Variants in ZNF277 observed in about 807,000 individuals in gnomAD.
ZNF277 encodes nuclear receptor-interacting factor 4.
In ZNF277, 55 loss-of-function variants were observed where a neutral mutation model predicts 60.7. The observed-to-expected ratio is 0.91, with a 90% CI of 0.73 to 1.13. The LOEUF (loss-of-function observed/expected upper bound fraction) is 1.13. ZNF277 is among the 50% of genes most tolerant of loss of function. The pLI is 0.00. For synonymous variants in ZNF277, 178 were observed against 179.3 expected, an observed-to-expected ratio of 0.99 and a Z score of 0.06; for missense variants, 510 against 523.0, an observed-to-expected ratio of 0.98 and a Z score of 0.24.
At chr7:112,341,434 T>C (rs548232720) in intron 11 of ZNF277, among the ~76,000 whole-genome samples, 5 of 152,342 alleles carry the variant, frequency 3.3e-5, no homozygotes, top group Admixed American at 2.6e-4. Flanking sequence ...TTCTGCGAGA[T>C]ACTTAGGTTG....
At chr7:112,218,854 A>G (rs1373715138) in intron 1 of ZNF277, among the ~76,000 whole-genome samples, 1 of 152,078 alleles carries the variant, frequency 6.6e-6, no homozygotes, top group Non-Finnish European at 1.5e-5. Context: ...CATTTTCTTT[A>G]TCTGTTCATC....
chr7:112,221,255 C>T (rs1040821730), intron 1 of ZNF277, among the ~76,000 whole-genome samples: 2 of 152,156 alleles, frequency 1.3e-5, no homozygotes, highest in East Asian at 1.9e-4. Context: ...CCATGACCCA[C>T]GGCTTCTAAT....
At chr7:112,225,765 GT>G (rs1217308428) in intron 1 of ZNF277, among the ~76,000 whole-genome samples, 1 of 151,968 alleles carries the variant, frequency 6.6e-6, no homozygotes, top group Non-Finnish European at 1.5e-5. Context: ...ATGTTCTCTT[GT>G]TTTTTTCACT....
intron 1 of ZNF277, among the ~76,000 whole-genome samples, chr7:112,213,892 G>A (rs1210956578): frequency 6.6e-6 from 1 of 152,178 alleles, no homozygotes; most frequent in East Asian, 1.9e-4. Flanking sequence ...TGTAAAATGA[G>A]TAATACTGTA....
chr7:112,280,856 G>A (rs1402180572), intron 1 of ZNF277, among the ~76,000 whole-genome samples: 1 of 152,158 alleles, frequency 6.6e-6, no homozygotes, highest in Non-Finnish European at 1.5e-5. Flanking sequence ...TTGATCTCCT[G>A]ACCTCAAGTA....
intron 4 of ZNF277, among the ~76,000 whole-genome samples, chr7:112,310,490 T>TAGAGAGAGAGAGAGAGAGAAA (rs1563224381): frequency 9.9e-6 from 1 of 100,576 alleles, no homozygotes; most frequent in South Asian, 3.3e-4. Flanking sequence ...TGTGTGTGTG[T>TAGAGAGAGAGAGAGAGAGAAA]GTATGTATTT....
At chr7:112,232,852 ACT>A (rs1822377179) in intron 1 of ZNF277, among the ~76,000 whole-genome samples, 1 of 151,898 alleles carries the variant, frequency 6.6e-6, no homozygotes, top group South Asian at 2.1e-4. Flanking sequence ...TGAATGATCT[ACT>A]CTCATTATCT....
chr7:112,257,346 A>G (rs908707391), intron 1 of ZNF277, among the ~76,000 whole-genome samples: 4 of 151,644 alleles, frequency 2.6e-5, no homozygotes, highest in African/African-American at 9.8e-5. Context: ...GCCTTCATCA[A>G]ACTTAAAAAC....
intron 1 of ZNF277, 38 bp from the exon 2 acceptor site, chr7:112,286,835 T>C: frequency 7.8e-6 from 11 of 1,411,842 alleles, no homozygotes; most frequent in Non-Finnish European, 1.0e-5. Context: ...CAGCTTTTCT[T>C]TCTTTCTTTT....
At chr7:112,336,254 C>A in intron 8 of ZNF277, 83 bp downstream of exon 8, 2 of 1,259,096 alleles carry the variant, frequency 1.6e-6, no homozygotes, top group Non-Finnish European at 2.2e-6. Flanking sequence ...AATTATGAAG[C>A]GGGAACATAA....
chr7:112,266,345 C>T (rs1341070302), intron 1 of ZNF277, among the ~76,000 whole-genome samples: 1 of 152,040 alleles, frequency 6.6e-6, no homozygotes, highest in Admixed American at 6.6e-5. Context: ...CAGGGTTTCG[C>T]CATGTTGGCC....
intron 1 of ZNF277, among the ~76,000 whole-genome samples, chr7:112,252,113 A>G (rs1791212286): frequency 6.6e-6 from 1 of 152,240 alleles, no homozygotes. Context: ...CAATATGTGA[A>G]CTGGTACATT....
chr7:112,288,549 T>C (rs1792122732), intron 2 of ZNF277: 1 of 152,182 alleles, frequency 6.6e-6, no homozygotes, highest in Admixed American at 6.5e-5. Context: ...ACTCTAAGCA[T>C]TGATTTTCTC....
At chr7:112,305,952 C>G (rs1162499644) in intron 4 of ZNF277, among the ~76,000 whole-genome samples, 2 of 152,046 alleles carry the variant, frequency 1.3e-5, no homozygotes, top group Non-Finnish European at 2.9e-5. Flanking sequence ...AGTCTGGGTT[C>G]TGGTATTATA....
chr7:112,241,868 C>T (rs114373625), intron 1 of ZNF277, among the ~76,000 whole-genome samples: 213 of 151,674 alleles, frequency 1.4e-3, no homozygotes, highest in African/African-American at 4.5e-3. Context: ...GTAGTGGTGG[C>T]GGAGAGGTGA....
At chr7:112,243,047 A>C (rs1371835445) in intron 1 of ZNF277, among the ~76,000 whole-genome samples, 2 of 152,118 alleles carry the variant, frequency 1.3e-5, no homozygotes, top group Non-Finnish European at 2.9e-5. Flanking sequence ...GATCTTTGAC[A>C]AAGTTGACAA....
intron 1 of ZNF277, among the ~76,000 whole-genome samples, chr7:112,281,805 G>A (rs1304873423): frequency 6.6e-6 from 1 of 152,086 alleles, no homozygotes; most frequent in Non-Finnish European, 1.5e-5. Context: ...AGCTATTCCA[G>A]GCCACTGGAT....
At chr7:112,211,926 CTAA>C (rs1821759098) in intron 1 of ZNF277, among the ~76,000 whole-genome samples, 1 of 152,134 alleles carries the variant, frequency 6.6e-6, no homozygotes, top group South Asian at 2.1e-4. Flanking sequence ...GTATAACAGT[CTAA>C]TGTTAGAATA....
At chr7:112,341,580 T>A (rs1173336733) in intron 11 of ZNF277, among the ~76,000 whole-genome samples, 1 of 152,248 alleles carries the variant, frequency 6.6e-6, no homozygotes, top group Non-Finnish European at 1.5e-5. Context: ...GCTAGGACTT[T>A]TTGTATATAT....
Sources: gnomAD v4.1 joint callset for allele counts (sites outside exome capture counted in the v4.1 genomes callset) on GRCh38, gnomAD v4.1.1 for gene constraint, MANE v1.5 for transcripts, NCBI Gene and HGNC (gene_info 2026-07-23, HGNC 2026-07-21) for gene names.